The following TBC1D22A variants were observed in gnomAD, a reference collection of about 807,000 sequenced individuals.
TBC1D22A encodes putative GTPase activator.
In TBC1D22A, 38 loss-of-function variants were observed where a neutral mutation model predicts 60.2. That is an observed-to-expected ratio of 0.63 (90% CI 0.49 to 0.83). The LOEUF (loss-of-function observed/expected upper bound fraction) is 0.83, where lower values mean the gene tolerates loss of function less well. Among genes scored for constraint, TBC1D22A ranks in the 40% least tolerant of loss-of-function variants. The pLI is 0.00. For synonymous variants in TBC1D22A, 302 were observed against 281.7 expected (o/e 1.07, Z -0.72); for missense variants, 628 against 701.0 (o/e 0.90, Z 1.18).
Position 46,779,422 on chromosome 22 carries a change from C to G in TBC1D22A, c.63-13098C>G, listed in dbSNP as rs191082087. On this transcript the variant is annotated intron_variant, in intron 1 of 12. Coordinates refer to ENST00000337137, the MANE Select transcript of TBC1D22A (RefSeq NM_014346.5). Reference sequence around the variant, plus strand: ...TAAAGGTGCCCACCACCACACCTGGCTAATGTTTGTATTTTTAGTAGAGAC... The same window carrying G: ...TAAAGGTGCCCACCACCACACCTGGGTAATGTTTGTATTTTTAGTAGAGAC... Among the ~76,000 whole-genome samples the G allele has an allele frequency of 3.1e-4, 47 of 152,114 alleles. No homozygotes were observed. The East Asian group carries it at 6.4e-3, about 21-fold the overall frequency.
At chr22:46,932,891 A>AT (rs1332698441) in intron 8 of TBC1D22A, among the ~76,000 whole-genome samples, 1 of 151,732 alleles carries the variant, frequency 6.6e-6, no homozygotes, top group Non-Finnish European at 1.5e-5. Context: ...CGCCTGGCTA[A>AT]TTTTTTTATT....
chr22:47,079,084 C>CATTTTT (rs1556117651), intron 11 of TBC1D22A, among the ~76,000 whole-genome samples: 34 of 124,922 alleles, frequency 2.7e-4, no homozygotes, highest in African/African-American at 7.8e-4. Flanking sequence ...GTAGAGCAGA[C>CATTTTT]TTTTTTTTTT....
At chr22:47,160,616 T>A (rs986563056) in intron 12 of TBC1D22A, among the ~76,000 whole-genome samples, 1 of 152,224 alleles carries the variant, frequency 6.6e-6, no homozygotes, top group Non-Finnish European at 1.5e-5. Context: ...AATATGAAAG[T>A]ACAGGGGTCT....
Position 46,819,902 on chromosome 22 carries a change from C to T in TBC1D22A, c.637+22282C>T, listed in dbSNP as rs966325126. Among the ~76,000 whole-genome samples, 7 of 152,100 alleles carry T rather than the reference C, an allele frequency of 4.6e-5. No homozygotes were observed. In the South Asian group the frequency reaches 1.0e-3, roughly 23 times the overall value. On this transcript the variant is annotated intron_variant, in intron 4 of 12. Transcript: ENST00000337137. ...TTGGTTGGTAGGCTATTAATTACTG[C>T]CTCAATTTCAGAGCTTGTTATTGGT...
At chr22:46,965,922 AGC>A (rs2073780084) in intron 8 of TBC1D22A, among the ~76,000 whole-genome samples, 1 of 152,126 alleles carries the variant, frequency 6.6e-6, no homozygotes, top group Non-Finnish European at 1.5e-5. Context: ...TCGTTTCCAC[AGC>A]GCTGGCTTCA....
intron 12 of TBC1D22A, among the ~76,000 whole-genome samples, chr22:47,166,843 A>C (rs1240752006): frequency 6.6e-6 from 1 of 152,228 alleles, no homozygotes; most frequent in African/African-American, 2.4e-5. Context: ...GCCGGGGTAC[A>C]GGTGGGAGCT....
chr22:46,804,142 C>T (rs919859109), intron 4 of TBC1D22A, among the ~76,000 whole-genome samples: 5 of 152,176 alleles, frequency 3.3e-5, no homozygotes, highest in African/African-American at 1.2e-4. Flanking sequence ...TCTGGGTTTG[C>T]GTTTTCCCCC....
chr22:47,170,448 T>C (rs2068387298), intron 12 of TBC1D22A, among the ~76,000 whole-genome samples: 1 of 152,210 alleles, frequency 6.6e-6, no homozygotes, highest in Non-Finnish European at 1.5e-5. Context: ...AGACAGCAGA[T>C]TGATGTTGAT....
chr22:47,065,053 G>C (rs549205084), intron 11 of TBC1D22A, among the ~76,000 whole-genome samples: 1 of 152,116 alleles, frequency 6.6e-6, no homozygotes, highest in East Asian at 1.9e-4. Context: ...GCACGATCTC[G>C]GCCCACTGTA....
chr22:46,988,833 C>G (rs1354042876), intron 9 of TBC1D22A, among the ~76,000 whole-genome samples: 1 of 152,254 alleles, frequency 6.6e-6, no homozygotes, highest in Non-Finnish European at 1.5e-5. Context: ...AGAGAGTCAG[C>G]TGGTCCTTCG....
At chr22:46,794,909 C>T (rs1334810839) in intron 3 of TBC1D22A, among the ~76,000 whole-genome samples, 1 of 152,136 alleles carries the variant, frequency 6.6e-6, no homozygotes, top group East Asian at 1.9e-4. Flanking sequence ...GGTGCTCTCC[C>T]CACATTTCCA....
intron 8 of TBC1D22A, among the ~76,000 whole-genome samples, chr22:46,924,547 C>A (rs2070937088): frequency 6.6e-6 from 1 of 152,126 alleles, no homozygotes. Context: ...GAGTTCGAGA[C>A]CAGCCCGACC....
chr22:46,769,302 C>T (rs2083406184), intron 1 of TBC1D22A, among the ~76,000 whole-genome samples: 1 of 152,194 alleles, frequency 6.6e-6, no homozygotes, highest in South Asian at 2.1e-4. Flanking sequence ...AGTCCGTCCT[C>T]AGCCGAAGGA....
At chr22:46,899,301 G>A (rs984402978) in intron 7 of TBC1D22A, among the ~76,000 whole-genome samples, 2 of 152,060 alleles carry the variant, frequency 1.3e-5, no homozygotes, top group South Asian at 4.1e-4. Context: ...AAAAATATTA[G>A]CCAGGCGTGG....
Position 46,793,621 on chromosome 22 carries a change from G to A in TBC1D22A, c.240G>A (p.Glu80=), listed in dbSNP as rs1328349829. 5.0e-6 allele frequency: 8 copies of A among 1,613,896 alleles called. No individual in the cohort carries two copies. The South Asian group carries it at 6.6e-5, about 13-fold the overall frequency. Residue 80 remains glutamate (E), a synonymous_variant, in exon 3 of 13, where the codon GAG becomes GAA. Transcript: ENST00000337137. ...DAWDAGEDDD[E]LLAMAAESLN... The stretch of plus-strand genomic sequence containing the variant: ...GGGACGCTGGGGAGGACGACGATGA[G>A]CTCCTGGCCATGGCGGCGGAGAGCC...
At chr22:46,792,404 G>A (rs1333220721) in intron 1 of TBC1D22A, 116 bp from the exon 2 acceptor site, 6 of 1,416,392 alleles carry the variant, frequency 4.2e-6, no homozygotes, top group South Asian at 2.3e-5. Context: ...AGCCCATGAG[G>A]AGCTGCTTCC....
chr22:46,994,410 C>T (rs8139168), intron 9 of TBC1D22A, among the ~76,000 whole-genome samples: 3,482 of 152,276 alleles, frequency 0.023, 107 homozygotes, highest in African/African-American at 0.07. Context: ...CGCCTCTCCC[C>T]GTTTTGGCCT....
chr22:47,118,826 A>G (rs940488583), intron 12 of TBC1D22A, among the ~76,000 whole-genome samples: 2 of 151,452 alleles, frequency 1.3e-5, no homozygotes, highest in African/African-American at 2.5e-5. Flanking sequence ...CATTTAAAAA[A>G]TGCTAAACTT....
At chr22:47,059,772 T>C (rs981910508) in intron 11 of TBC1D22A, among the ~76,000 whole-genome samples, 3 of 152,228 alleles carry the variant, frequency 2.0e-5, no homozygotes, top group African/African-American at 7.2e-5. Context: ...AGCACATGTT[T>C]CTGGCATTTA....
Sources: allele counts gnomAD v4.1 joint callset (sites outside exome capture counted in the v4.1 genomes callset), GRCh38; gene constraint gnomAD v4.1.1; transcripts MANE v1.5; gene names NCBI Gene and HGNC (gene_info 2026-07-23, HGNC 2026-07-21).